The following FBLN5 variants were observed in gnomAD, a reference collection of about 807,000 sequenced individuals.
FBLN5 encodes fibulin-5.
FBLN5 carries 24 observed loss-of-function variants against 61.6 expected under a neutral mutation model. The observed-to-expected ratio is 0.39, with a 90% CI of 0.28 to 0.55. The LOEUF is 0.55. Among genes scored for constraint, FBLN5 ranks in the 20% least tolerant of loss-of-function variants. The pLI is 0.65. For synonymous variants in FBLN5, 213 were observed against 219.8 expected, an observed-to-expected ratio of 0.97 and a Z score of 0.27; for missense variants, 470 against 594.1, an observed-to-expected ratio of 0.79 and a Z score of 2.17.
At chr14:91,910,440 C>T (rs555966402) in intron 4 of FBLN5, among the ~76,000 whole-genome samples, 8 of 152,104 alleles carry the variant, frequency 5.3e-5, no homozygotes, top group African/African-American at 1.4e-4. Context: ...AAAAGTTCTG[C>T]GGCACAACAA....
At chr14:91,874,993 A>G (rs1002539545) in intron 10 of FBLN5, among the ~76,000 whole-genome samples, 1 of 151,768 alleles carries the variant, frequency 6.6e-6, no homozygotes, top group Non-Finnish European at 1.5e-5. Context: ...CACCTGGCTA[A>G]TTTTTTAATC....
intron 4 of FBLN5, among the ~76,000 whole-genome samples, chr14:91,905,765 A>G (rs1890658960): frequency 6.6e-6 from 1 of 151,808 alleles, no homozygotes; most frequent in Non-Finnish European, 1.5e-5. Flanking sequence ...TTTTTAGTAG[A>G]GATGGGGTTT....
At chr14:91,904,585 C>A (rs1890598185) in intron 4 of FBLN5, among the ~76,000 whole-genome samples, 1 of 152,234 alleles carries the variant, frequency 6.6e-6, no homozygotes, top group African/African-American at 2.4e-5. Context: ...GCTTTTATTT[C>A]TCCCAGTTCT....
Position 91,881,326 on chromosome 14 carries a change from G to A in FBLN5, c.955C>T (p.Arg319Cys), listed in dbSNP as rs776279224. ...ATCCTCAGATAAGGCTCCTCACAGC[G>A]GATGGGGTCAATGCATTTGAAGCCC... ...QGGFKCIDPI[R>C]CEEPYLRISD... is the part of the protein sequence containing the mutation. The change falls in exon 9 of 11, where the codon CGC (arginine) becomes TGC (cysteine). Residue 319 changes from arginine to cysteine, a missense_variant. Physicochemically the swap from Arg to Cys is radical, Grantham distance 180 (BLOSUM62 -3). Coordinates refer to ENST00000342058, the MANE Select transcript of FBLN5 (RefSeq NM_006329.4). The A allele has an allele frequency of 5.0e-6, 8 of 1,614,118 alleles. No individual in the cohort carries two copies. The highest frequency in any genetic ancestry group is 2.2e-5 in the South Asian group (2 of 91,088).
At chr14:91,940,771 TTTCCTTGTAATTA>T (rs1159287656) in intron 2 of FBLN5, among the ~76,000 whole-genome samples, 155 bp from the exon 3 acceptor site, 2 of 152,098 alleles carry the variant, frequency 1.3e-5, no homozygotes, top group African/African-American at 2.4e-5. Context: ...TTCTAAAATT[TTTCCTTGTAATTA>T]TTTTATACTT....
rs528736723 is a variant in FBLN5 at position 91,914,820 on chromosome 14, T to TTTTTG, written c.380-19753_380-19749dup. ...TCTGGCAATATCTGTGTGGTTTTTT[T>TTTTTG]TTTTGTTTTGTTTTGTTTTGTTTTG... On this transcript the variant is annotated intron_variant, in intron 4 of 10. Transcript: ENST00000342058. Among the ~76,000 whole-genome samples the TTTTTG allele has an allele frequency of 3.3e-3, 508 of 152,010 alleles. 2 individuals carry two copies. The highest frequency in any genetic ancestry group is 6.8e-3 in the Middle Eastern group (2 of 294).
chr14:91,894,927 T>C, intron 5 of FBLN5, 23 bp downstream of exon 5: 6 of 1,580,182 alleles, frequency 3.8e-6, no homozygotes, highest in Non-Finnish European at 5.2e-6. Flanking sequence ...AGAGTCCCTG[T>C]GACCCCCCCA....
chr14:91,891,056 G>A (rs1889972385), intron 6 of FBLN5, among the ~76,000 whole-genome samples, 165 bp downstream of exon 6: 1 of 152,224 alleles, frequency 6.6e-6, no homozygotes, highest in Non-Finnish European at 1.5e-5. Flanking sequence ...CGCATAGCAA[G>A]GTTCAGGTCT....
intron 5 of FBLN5, among the ~76,000 whole-genome samples, chr14:91,894,325 C>T (rs181338447): frequency 2.0e-5 from 3 of 146,508 alleles, no homozygotes; most frequent in East Asian, 2.0e-4. Flanking sequence ...ATCACTTGAA[C>T]CCAGGAGGTA....
chr14:91,880,540 T>C (rs1889383817), intron 9 of FBLN5, among the ~76,000 whole-genome samples: 1 of 151,638 alleles, frequency 6.6e-6, no homozygotes, highest in African/African-American at 2.4e-5. Context: ...TGTGTGTGTG[T>C]GTGTGTGTGT....
chr14:91,895,584 A>C (rs966958129), intron 4 of FBLN5, among the ~76,000 whole-genome samples: 3 of 151,890 alleles, frequency 2.0e-5, no homozygotes, highest in Admixed American at 2.0e-4. Context: ...GGATCATCTG[A>C]GCTCAGGAGT....
At chr14:91,875,982 C>T (rs997760441) in intron 10 of FBLN5, among the ~76,000 whole-genome samples, 2 of 152,228 alleles carry the variant, frequency 1.3e-5, no homozygotes, top group Non-Finnish European at 2.9e-5. Flanking sequence ...AAGTCATTGA[C>T]TGTTTCACCC....
intron 1 of FBLN5, among the ~76,000 whole-genome samples, chr14:91,945,269 G>A (rs1051374386): frequency 4.6e-5 from 7 of 151,876 alleles, no homozygotes; most frequent in Admixed American, 3.3e-4. Context: ...AAAGCAGAGC[G>A]TTATCTAGTA....
intron 5 of FBLN5, among the ~76,000 whole-genome samples, chr14:91,892,121 T>C (rs1173397099): frequency 3.3e-5 from 5 of 152,194 alleles, no homozygotes; most frequent in African/African-American, 7.2e-5. Flanking sequence ...CCCTGTAATA[T>C]GTATCCATCA....
intron 9 of FBLN5, among the ~76,000 whole-genome samples, chr14:91,879,245 T>A (rs1256684900): frequency 6.6e-6 from 1 of 152,110 alleles, no homozygotes; most frequent in African/African-American, 2.4e-5. Context: ...AGAGGTGGCA[T>A]CTGAGCTGAA....
chr14:91,902,277 GTTTGTTTT>G (rs1566811738), intron 4 of FBLN5, among the ~76,000 whole-genome samples: 1 of 48,808 alleles, frequency 2.0e-5, no homozygotes, highest in African/African-American at 5.6e-5. Flanking sequence ...TTGTTTGTTT[GTTTGTTTT>G]TTTTTTTTTT....
At chr14:91,942,327 A>G (rs2056118420) in intron 2 of FBLN5, 1 of 360,578 alleles carries the variant, frequency 2.8e-6, no homozygotes, top group Non-Finnish European at 5.5e-6. Flanking sequence ...ATGCAACACT[A>G]CATGCTGGGA....
At chr14:91,902,897 A>C (rs1053941177) in intron 4 of FBLN5, among the ~76,000 whole-genome samples, 1 of 152,172 alleles carries the variant, frequency 6.6e-6, no homozygotes, top group African/African-American at 2.4e-5. Context: ...CTGACCATGA[A>C]GATGGCCACA....
chr14:91,883,134 T>C, intron 7 of FBLN5, 58 bp from the exon 8 acceptor site: 1 of 1,596,130 alleles, frequency 6.3e-7, no homozygotes, highest in Non-Finnish European at 8.6e-7. Context: ...GGATGGGAGC[T>C]TAGTGGCCAT....
Sources: gnomAD v4.1 joint callset for allele counts (sites outside exome capture counted in the v4.1 genomes callset) on GRCh38, gnomAD v4.1.1 for gene constraint, MANE v1.5 for transcripts, NCBI Gene and HGNC (gene_info 2026-07-23, HGNC 2026-07-21) for gene names.